Variants in TCF20 observed in about 807,000 individuals in gnomAD.
TCF20 encodes transcription factor 20, also known as SPRE-binding protein.
Under a neutral mutation model 148.6 loss-of-function variants are expected in TCF20, and 3 were observed. The ratio of observed to expected loss-of-function variants is 0.02; its 90% CI spans 0.01 to 0.05. TCF20 has a LOEUF of 0.05. Among genes scored for constraint, TCF20 ranks in the 10% least tolerant of loss-of-function variants. The probability of loss-of-function intolerance (pLI) is 1.00; values close to 1 mark genes in which losing one functional copy is unlikely to be tolerated. For missense variants in TCF20, 2,350 were observed against 2,429.3 expected (o/e 0.97, Z 0.69); for synonymous variants, 1,049 against 909.5 (o/e 1.15, Z -2.76).
chr22:42,318,122 G>T (rs538906815), intron 1 of TCF20, among the ~76,000 whole-genome samples: 3 of 152,376 alleles, frequency 2.0e-5, no homozygotes, highest in Admixed American at 6.5e-5. Context: ...GCCCCGCCCT[G>T]CTCGCCAGGT....
intron 1 of TCF20, among the ~76,000 whole-genome samples, chr22:42,247,114 T>C (rs934912853): frequency 6.6e-6 from 1 of 151,816 alleles, no homozygotes; most frequent in Non-Finnish European, 1.5e-5. Context: ...AAGTAACATT[T>C]GAGAAAGGCC....
chr22:42,325,453 A>G (rs773527159), intron 1 of TCF20, among the ~76,000 whole-genome samples: 5 of 152,230 alleles, frequency 3.3e-5, no homozygotes, highest in Non-Finnish European at 5.9e-5. Context: ...CCTGCCCAGT[A>G]AACCCTGATT....
chr22:42,258,325 C>G (rs1396415154), intron 1 of TCF20, among the ~76,000 whole-genome samples: 1 of 152,136 alleles, frequency 6.6e-6, no homozygotes, highest in Middle Eastern at 3.2e-3. Context: ...TACATTCCTG[C>G]CCCATGCGCA....
chr22:42,267,389 T>C (rs1393947265), intron 1 of TCF20, among the ~76,000 whole-genome samples: 1 of 151,810 alleles, frequency 6.6e-6, no homozygotes, highest in Non-Finnish European at 1.5e-5. Context: ...TCACAAATAA[T>C]CTGTGTGGCT....
upstream of TCF20, among the ~76,000 whole-genome samples, chr22:42,285,471 C>T (rs1208933213): frequency 1.3e-5 from 2 of 152,054 alleles, no homozygotes; most frequent in African/African-American, 4.8e-5. The surrounding 1 kb of genome is among the most constrained non-coding windows in gnomAD (Gnocchi z 4.2). Flanking sequence ...CCAAGGGCTG[C>T]GTCTGCATTT....
chr22:42,178,999 A>C (rs561867997), intron 3 of TCF20, among the ~76,000 whole-genome samples: 3 of 151,958 alleles, frequency 2.0e-5, no homozygotes, highest in African/African-American at 7.2e-5. Context: ...AAAAACCACA[A>C]TGAAATAACA....
chr22:42,321,921 TG>T (rs1438144270), intron 1 of TCF20, among the ~76,000 whole-genome samples: 1 of 150,664 alleles, frequency 6.6e-6, no homozygotes, highest in Non-Finnish European at 1.5e-5. Flanking sequence ...CACTCCAGCC[TG>T]GGTGACAGAG....
chr22:42,276,333 C>G (rs1926778342), intron 1 of TCF20: 1 of 152,164 alleles, frequency 6.6e-6, no homozygotes, highest in South Asian at 2.1e-4. Context: ...TTCACAACAC[C>G]AGGGCAGCCT....
At chr22:42,246,607 G>A (rs1385225080) in intron 1 of TCF20, among the ~76,000 whole-genome samples, 2 of 152,174 alleles carry the variant, frequency 1.3e-5, no homozygotes, top group Non-Finnish European at 2.9e-5. Context: ...TAGAGGATAC[G>A]GCAAGTGCCA....
chr22:42,189,022 A>G (rs1937195603), intron 2 of TCF20, among the ~76,000 whole-genome samples: 1 of 152,114 alleles, frequency 6.6e-6, no homozygotes, highest in Non-Finnish European at 1.5e-5. Flanking sequence ...GGGGAAGGGG[A>G]ACAAACTGCT....
intron 1 of TCF20, among the ~76,000 whole-genome samples, chr22:42,318,702 G>T (rs367701266): frequency 6.6e-6 from 1 of 152,316 alleles, no homozygotes; most frequent in East Asian, 1.9e-4. Flanking sequence ...GGTGACCTGG[G>T]GTTTCTGTGG....
chr22:42,322,496 G>A lies in TCF20; in HGVS notation c.-37+20983C>T, dbSNP rs961585318. ...ATGGTCTCCCTGGGGAGGAGCTCCC[G>A]TGGAGGAGGCAGGGCCTGAACTGGG... On this transcript the variant is annotated intron_variant, in intron 1 of 1. Transcript: ENST00000515426. 2.0e-4 allele frequency among the ~76,000 whole-genome samples: 31 copies of A among 151,916 alleles called. 1 individual carries two copies. Among genetic ancestry groups the A allele is most frequent in the Admixed American group, 1.6e-3 (25 of 15,238 alleles).
At chr22:42,302,098 G>A (rs1002383904) in intron 1 of TCF20, among the ~76,000 whole-genome samples, 3 of 152,206 alleles carry the variant, frequency 2.0e-5, no homozygotes, top group Admixed American at 1.3e-4. Flanking sequence ...GACAGCTAAT[G>A]GGACAGGAGG....
chr22:42,259,493 T>C (rs1925919644), intron 1 of TCF20, among the ~76,000 whole-genome samples: 1 of 152,228 alleles, frequency 6.6e-6, no homozygotes, highest in South Asian at 2.1e-4. Flanking sequence ...CAGTTCCTTC[T>C]CCTAAATGGC....
chr22:42,343,265 C>G (rs993231403), intron 1 of TCF20, among the ~76,000 whole-genome samples: 1 of 152,152 alleles, frequency 6.6e-6, no homozygotes, highest in Non-Finnish European at 1.5e-5. Context: ...ACAAACACCC[C>G]CTACTTCAGA....
At chr22:42,306,491 C>CATT (rs1408042339) in intron 1 of TCF20, among the ~76,000 whole-genome samples, 1 of 152,222 alleles carries the variant, frequency 6.6e-6, no homozygotes, top group Non-Finnish European at 1.5e-5. Flanking sequence ...CTTTGCCCTC[C>CATT]ATTACCTCTA....
intron 2 of TCF20, among the ~76,000 whole-genome samples, chr22:42,194,672 T>C (rs115070225): frequency 0.011 from 1,599 of 152,128 alleles, 27 homozygotes; most frequent in African/African-American, 0.037. Flanking sequence ...AGCAGAGAAC[T>C]AAGAGAGTGC....
At chr22:42,235,495 G>A (rs1431989090) in intron 1 of TCF20, among the ~76,000 whole-genome samples, 1 of 152,150 alleles carries the variant, frequency 6.6e-6, no homozygotes, top group African/African-American at 2.4e-5. Context: ...TGAACAAAGA[G>A]ACCAAGAAAA....
upstream of TCF20, among the ~76,000 whole-genome samples, chr22:42,271,133 G>A (rs1171459917): frequency 6.6e-6 from 1 of 152,184 alleles, no homozygotes; most frequent in African/African-American, 2.4e-5. Context: ...GCTCCTGCCC[G>A]CCAAGAGCCC....
Sources: allele counts gnomAD v4.1 joint callset (sites outside exome capture counted in the v4.1 genomes callset), GRCh38; gene constraint gnomAD v4.1.1; non-coding constraint Gnocchi (gnomAD v3.1); transcripts MANE v1.5; gene names NCBI Gene and HGNC (gene_info 2026-07-23, HGNC 2026-07-21).